AGAP1: variants seen among roughly 807,000 people sequenced by gnomAD.
The protein encoded by AGAP1 is arf-GAP with GTPase, ANK repeat and PH domain-containing protein 1.
AGAP1 carries 29 observed loss-of-function variants against 105.3 expected under a neutral mutation model. The observed-to-expected ratio is 0.28, with a 90% CI of 0.21 to 0.38. The LOEUF is 0.38. Among genes scored for constraint, AGAP1 ranks in the 10% least tolerant of loss-of-function variants. The probability of loss-of-function intolerance (pLI) is 1.00; values close to 1 mark genes in which losing one functional copy is unlikely to be tolerated. For synonymous variants in AGAP1, 509 were observed against 485.9 expected (o/e 1.05, Z -0.63); for missense variants, 998 against 1,165.1 (o/e 0.86, Z 2.09).
Position 236,105,720 on chromosome 2 carries a change from A to C in AGAP1, c.2115-14472A>C, listed in dbSNP as rs1172262418. Among the ~76,000 whole-genome samples the C allele has an allele frequency of 6.7e-6, 1 of 149,960 alleles. No individual in the cohort carries two copies. The highest frequency in any genetic ancestry group is 2.4e-5 in the African/African-American group (1 of 40,870). On this transcript the variant is annotated intron_variant, in intron 16 of 17. Transcript: ENST00000304032. This position sits in a 1 kb window ranked among gnomAD's most constrained non-coding sequence, Gnocchi z 4.2. Reference sequence around the variant, plus strand: ...GCCATTCTCCCACCTCAGCCTCCCGAGTAGCTGGGACTACAGGCGCCCGCC... The same window carrying C: ...GCCATTCTCCCACCTCAGCCTCCCGCGTAGCTGGGACTACAGGCGCCCGCC...
chr2:235,548,139 C>A (rs751967645), intron 1 of AGAP1, among the ~76,000 whole-genome samples: 1 of 152,200 alleles, frequency 6.6e-6, no homozygotes, highest in Non-Finnish European at 1.5e-5. Flanking sequence ...CTCTGCTGTT[C>A]CTGTCCTAGG....
chr2:235,791,379 CCCCCT>C (rs1956965477), intron 6 of AGAP1, among the ~76,000 whole-genome samples: 2 of 152,050 alleles, frequency 1.3e-5, no homozygotes, highest in African/African-American at 4.8e-5. Context: ...TCCAGGTAAG[CCCCCT>C]ATGGTTCGAA....
In AGAP1 at chr2:235,732,589, CCT is replaced by C. The variant is rs1952014236; in HGVS notation, c.311-8370_311-8369del. 6.6e-6 allele frequency among the ~76,000 whole-genome samples: 1 copy of C among 152,194 alleles called. No homozygotes were observed. The highest frequency in any genetic ancestry group is 6.5e-5 in the Admixed American group (1 of 15,276). ...TTCTCTTCTGTTCCCTTCCCTCCTT[CCT>C]CTCCCCAAGCCTCTCCCGCCTTCCC... On this transcript the variant is annotated intron_variant, in intron 3 of 17. Coordinates refer to ENST00000304032, the MANE Select transcript of AGAP1 (RefSeq NM_001037131.3). This position sits in a 1 kb window ranked among gnomAD's most constrained non-coding sequence, Gnocchi z 4.8.
At chr2:235,941,853 G>GGC (rs372949993) in intron 12 of AGAP1, among the ~76,000 whole-genome samples, 6,181 of 151,966 alleles carry the variant, frequency 0.041, 264 homozygotes, top group South Asian at 0.11. Flanking sequence ...TGTTGTTGGG[G>GGC]GGGTAAGAAG....
chr2:235,705,245 T>C lies in AGAP1; in HGVS notation c.164-3934T>C, dbSNP rs1950484295. 1.3e-5 allele frequency among the ~76,000 whole-genome samples: 2 copies of C among 151,940 alleles called. No individual in the cohort carries two copies. Among genetic ancestry groups the C allele is most frequent in the South Asian group, 4.1e-4 (2 of 4,820 alleles). ...CTGCGCGCCTCGGCCTCCTAAAGTG[T>C]TGGGATTACAGGCGTGAGCCACCAC... On this transcript the variant is annotated intron_variant, in intron 1 of 17. Coordinates refer to ENST00000304032, the MANE Select transcript of AGAP1 (RefSeq NM_001037131.3). This position sits in a 1 kb window ranked among gnomAD's most constrained non-coding sequence, Gnocchi z 4.9.
intron 2 of AGAP1, among the ~76,000 whole-genome samples, chr2:235,711,715 G>C (rs915186033): frequency 1.3e-5 from 2 of 152,184 alleles, no homozygotes; most frequent in Non-Finnish European, 2.9e-5. Context: ...CAGATCCCTT[G>C]TGTGCTGAGG....
intron 13 of AGAP1, among the ~76,000 whole-genome samples, chr2:236,021,052 G>T (rs757342741): frequency 2.0e-5 from 3 of 151,724 alleles, no homozygotes; most frequent in Non-Finnish European, 2.9e-5. Context: ...TGTAATCCCA[G>T]CTACTTCAGA....
rs2052720781 is a variant in AGAP1, at chr2:235,931,537, C to T, written c.1483+614C>T. On this transcript the variant is annotated intron_variant, in intron 12 of 17. Coordinates refer to ENST00000304032, the MANE Select transcript of AGAP1 (RefSeq NM_001037131.3). This position sits in a 1 kb window ranked among gnomAD's most constrained non-coding sequence, Gnocchi z 5.6. ...CCGTCTGTGTGGAGCGTGAATGACG[C>T]AGCACCGAGGGCACCCTGGTGGCTG... 6.6e-6 allele frequency among the ~76,000 whole-genome samples: 1 copy of T among 152,030 alleles called. No individual in the cohort carries two copies. The highest frequency in any genetic ancestry group is 2.1e-4 in the South Asian group (1 of 4,828).
At chr2:235,548,878 C>G (rs1943713507) in intron 1 of AGAP1, among the ~76,000 whole-genome samples, 1 of 152,186 alleles carries the variant, frequency 6.6e-6, no homozygotes. Context: ...CGTTTTTGAA[C>G]ATAAAGGGTT....
At position 235,958,501 on chromosome 2, in the gene AGAP1, C is replaced by G. The variant is rs1052873283; in HGVS notation, c.1484-9961C>G. 6.6e-6 allele frequency among the ~76,000 whole-genome samples: 1 copy of G among 152,058 alleles called. No homozygotes were observed. Among genetic ancestry groups the G allele is most frequent in the Non-Finnish European group, 1.5e-5 (1 of 68,024 alleles). On this transcript the variant is annotated intron_variant, in intron 12 of 17. Transcript: ENST00000304032. This position sits in a 1 kb window ranked among gnomAD's most constrained non-coding sequence, Gnocchi z 4.1. The stretch of plus-strand genomic sequence containing the variant: ...AGAGACTCATCTCTTGAATATCACC[C>G]GGGATATCAAAAACCTATCAGCACA...
At position 235,887,667 on chromosome 2, in the gene AGAP1, G is replaced by GA. The variant is rs1005522364; in HGVS notation, c.1155+4226dup. Among the ~76,000 whole-genome samples the GA allele has an allele frequency of 6.6e-6, 1 of 151,862 alleles. No individual in the cohort carries two copies. The highest frequency in any genetic ancestry group is 1.5e-5 in the Non-Finnish European group (1 of 67,972). ...GCCCGTTCTTTTCCACAGAGCCCAG[G>GA]AAAAAAAATCCCGGCCAAACCATCA... On this transcript the variant is annotated intron_variant, in intron 10 of 17. Transcript: ENST00000304032. The surrounding 1 kb of genome is among the most constrained non-coding windows in gnomAD (Gnocchi z 4.1).
chr2:235,831,439 A>G (rs1166750327), intron 9 of AGAP1, among the ~76,000 whole-genome samples: 3 of 152,286 alleles, frequency 2.0e-5, no homozygotes, highest in East Asian at 1.9e-4. Context: ...CATAAGAAAC[A>G]GTTTCACTGC....
chr2:235,502,700 C>CTT (rs5839594), intron 1 of AGAP1, among the ~76,000 whole-genome samples: 15,179 of 110,760 alleles, frequency 0.14, 1,079 homozygotes, highest in East Asian at 0.27. Context: ...TTTTATTTGC[C>CTT]TTTTTTTTTT....
chr2:235,752,837 G>A lies in AGAP1; in HGVS notation c.673+2349G>A, dbSNP rs911990634. Among the ~76,000 whole-genome samples, 10 of 152,188 alleles carry A rather than the reference G, an allele frequency of 6.6e-5. 1 individual carries two copies. The highest frequency in any genetic ancestry group is 1.2e-4 in the Non-Finnish European group (8 of 68,036). On this transcript the variant is annotated intron_variant, in intron 6 of 17. Coordinates refer to ENST00000304032, the MANE Select transcript of AGAP1 (RefSeq NM_001037131.3). This position sits in a 1 kb window ranked among gnomAD's most constrained non-coding sequence, Gnocchi z 4.3. ...CCTTCCTGCCAAACAGCCTTTGTAC[G>A]TTCTGGCTGCTCTAACAAGACCCAG...
At chr2:235,603,880 A>T (rs1057204223) in intron 1 of AGAP1, among the ~76,000 whole-genome samples, 1 of 152,130 alleles carries the variant, frequency 6.6e-6, no homozygotes, top group African/African-American at 2.4e-5. Flanking sequence ...TTTGTCAGAA[A>T]GGAATGCGTC....
rs1464900724 is a variant in AGAP1, at chr2:236,045,898, C to G, written c.1892-3161C>G. Reference sequence around the variant, plus strand: ...AGCAGAGGGTGGTGAGCATGGGGCCCTGGAACACTGTGCCCCCGCCCCCTG... The same window carrying G: ...AGCAGAGGGTGGTGAGCATGGGGCCGTGGAACACTGTGCCCCCGCCCCCTG... On this transcript the variant is annotated intron_variant, in intron 15 of 17. Coordinates refer to ENST00000304032, the MANE Select transcript of AGAP1 (RefSeq NM_001037131.3). This position sits in a 1 kb window ranked among gnomAD's most constrained non-coding sequence, Gnocchi z 6.9. 2.1e-6 allele frequency: 1 copy of G among 468,646 alleles called. No homozygotes were observed. The highest frequency in any genetic ancestry group is 7.0e-5 in the East Asian group (1 of 14,354). 29.0% of individuals were successfully genotyped at this position (468,646 alleles called of 1,614,324 possible).
rs1157309335 is a variant in AGAP1 at position 235,965,341 on chromosome 2, A to G, written c.1484-3121A>G. ...GGGAGGAGAGGCAGGAAAACATGGC[A>G]TCTTGGGCCAGCACAGTTAGCATGA... On this transcript the variant is annotated intron_variant, in intron 12 of 17. Transcript: ENST00000304032. This position sits in a 1 kb window ranked among gnomAD's most constrained non-coding sequence, Gnocchi z 5.8. Among the ~76,000 whole-genome samples the G allele has an allele frequency of 6.6e-6, 1 of 152,202 alleles. No individual in the cohort carries two copies. The highest frequency in any genetic ancestry group is 2.4e-5 in the African/African-American group (1 of 41,450).
chr2:235,841,583 T>A (rs542950750), intron 9 of AGAP1, among the ~76,000 whole-genome samples: 3 of 152,230 alleles, frequency 2.0e-5, no homozygotes, highest in Non-Finnish European at 4.4e-5. Context: ...TGAACTGTGA[T>A]CTCGCCACTG....
intron 1 of AGAP1, among the ~76,000 whole-genome samples, chr2:235,572,921 G>A (rs1218476438): frequency 1.3e-5 from 2 of 152,238 alleles, no homozygotes; most frequent in African/African-American, 2.4e-5. Flanking sequence ...CTTTTAGAAC[G>A]TGAATGAGAA....
Sources: allele counts gnomAD v4.1 joint callset (sites outside exome capture counted in the v4.1 genomes callset), GRCh38; gene constraint gnomAD v4.1.1; non-coding constraint Gnocchi (gnomAD v3.1); transcripts MANE v1.5; gene names NCBI Gene and HGNC (gene_info 2026-07-23, HGNC 2026-07-21).